PDE4D: variants seen among roughly 807,000 people sequenced by gnomAD.
PDE4D encodes phosphodiesterase 4D.
In PDE4D, 24 loss-of-function variants were observed where a neutral mutation model predicts 87.4. That is an observed-to-expected ratio of 0.27 (90% CI 0.20 to 0.39). PDE4D has a LOEUF of 0.39. Ranked by LOEUF, PDE4D falls within the 10% of genes least tolerant of loss-of-function variation. The pLI is 1.00. For synonymous variants in PDE4D, 384 were observed against 383.2 expected (o/e 1.00, Z -0.02); for missense variants, 714 against 1,041.0 (o/e 0.69, Z 4.32).
intron 5 of PDE4D, among the ~76,000 whole-genome samples, chr5:59,156,309 G>GAAAA (rs138297866): frequency 0.21 from 11,036 of 52,136 alleles, 756 homozygotes; most frequent in Non-Finnish European, 0.24. Context: ...AGACTTGCCA[G>GAAAA]AAAAAAAAAA....
At chr5:59,141,461 G>T (rs1419009083) in intron 5 of PDE4D, among the ~76,000 whole-genome samples, 1 of 152,158 alleles carries the variant, frequency 6.6e-6, no homozygotes, top group African/African-American at 2.4e-5. Context: ...TTGTTCCTTG[G>T]TGTTTTGGAG....
chr5:59,832,047 CAA>C (rs1741329276), intron 1 of PDE4D, among the ~76,000 whole-genome samples: 1 of 151,980 alleles, frequency 6.6e-6, no homozygotes, highest in Non-Finnish European at 1.5e-5. Context: ...TGGGGTAACC[CAA>C]AGAGTGATGG....
At chr5:59,544,138 T>C (rs543717252) in intron 1 of PDE4D, among the ~76,000 whole-genome samples, 4 of 152,138 alleles carry the variant, frequency 2.6e-5, no homozygotes, top group African/African-American at 9.6e-5. Context: ...GGTGTGGAAA[T>C]AGACTGTCAT....
At chr5:59,996,620 C>G (rs1449208474) in intron 2 of PDE4D, among the ~76,000 whole-genome samples, 2 of 152,082 alleles carry the variant, frequency 1.3e-5, no homozygotes, top group Admixed American at 1.3e-4. Context: ...AATGTTTTTC[C>G]TCTTGTCTCA....
chr5:59,589,235 A>AAGGG (rs1825599499), intron 1 of PDE4D, among the ~76,000 whole-genome samples: 3 of 152,234 alleles, frequency 2.0e-5, no homozygotes, highest in Non-Finnish European at 4.4e-5. Context: ...CACCTCTGTA[A>AAGGG]TCATAATAAT....
At chr5:60,304,489 CA>C (rs1240484131) in intron 1 of PDE4D, among the ~76,000 whole-genome samples, 2 of 150,084 alleles carry the variant, frequency 1.3e-5, no homozygotes, top group Non-Finnish European at 3.0e-5. Flanking sequence ...ACTAAAAATA[CA>C]AAAAATTAGC....
intron 1 of PDE4D, among the ~76,000 whole-genome samples, chr5:59,743,236 A>T (rs1759117220): frequency 6.6e-6 from 1 of 152,192 alleles, no homozygotes; most frequent in African/African-American, 2.4e-5. Flanking sequence ...GGTAAAGTAA[A>T]AAAAGATTTA....
At chr5:59,094,162 G>A (rs934479430) in intron 5 of PDE4D, among the ~76,000 whole-genome samples, 2 of 125,478 alleles carry the variant, frequency 1.6e-5, no homozygotes, top group Non-Finnish European at 3.1e-5. Context: ...AGGTTGCAGT[G>A]AGCCAAGATT....
At chr5:60,421,912 G>T (rs1396370509) in intron 1 of PDE4D, among the ~76,000 whole-genome samples, 1 of 152,206 alleles carries the variant, frequency 6.6e-6, no homozygotes, top group Non-Finnish European at 1.5e-5. Flanking sequence ...AGCTTCAATA[G>T]CCTGTTAGAT....
intron 1 of PDE4D, among the ~76,000 whole-genome samples, chr5:60,499,703 A>G (rs1048183982): frequency 6.6e-6 from 1 of 152,232 alleles, no homozygotes; most frequent in Non-Finnish European, 1.5e-5. Context: ...CTCTTCAAGT[A>G]AATTTCAGCA....
intron 2 of PDE4D, among the ~76,000 whole-genome samples, chr5:60,071,663 G>A (rs1772734340): frequency 1.3e-5 from 2 of 151,994 alleles, no homozygotes; most frequent in South Asian, 2.1e-4. Context: ...TGTCATGGGA[G>A]TTTGTTGTAC....
intron 1 of PDE4D, among the ~76,000 whole-genome samples, chr5:59,423,373 C>A (rs561384087): frequency 1.9e-4 from 29 of 152,274 alleles, no homozygotes; most frequent in Admixed American, 4.6e-4. Context: ...ATGAAATTGT[C>A]CCTGTCAGGA....
chr5:60,303,958 T>C (rs143990709), intron 1 of PDE4D: 132 of 152,338 alleles, frequency 8.7e-4, no homozygotes, highest in African/African-American at 3.0e-3. Context: ...GAATTTGCTT[T>C]ATGAATCTGA....
chr5:60,500,297 C>A (rs1750010005), intron 1 of PDE4D, among the ~76,000 whole-genome samples: 1 of 151,832 alleles, frequency 6.6e-6, no homozygotes, highest in Non-Finnish European at 1.5e-5. Flanking sequence ...GACAGAGACC[C>A]AGTCTCAAAA....
At chr5:59,329,492 A>T (rs1042739431) in intron 1 of PDE4D, among the ~76,000 whole-genome samples, 7 of 152,164 alleles carry the variant, frequency 4.6e-5, no homozygotes, top group Non-Finnish European at 8.8e-5. Context: ...TTGTCTACTC[A>T]CTGAAGTCCT....
chr5:59,824,634 T>TGAC (rs534406887), intron 1 of PDE4D, among the ~76,000 whole-genome samples: 3 of 152,250 alleles, frequency 2.0e-5, no homozygotes, highest in South Asian at 4.1e-4. Context: ...TTAACTTGGA[T>TGAC]GACGACAAGT....
intron 2 of PDE4D, among the ~76,000 whole-genome samples, chr5:60,119,830 T>C (rs946894277): frequency 3.9e-5 from 6 of 152,178 alleles, no homozygotes; most frequent in Non-Finnish European, 8.8e-5. Flanking sequence ...CATTCAGATG[T>C]AAATAAAAAT....
chr5:60,133,622 T>C (rs1375053731), intron 2 of PDE4D, among the ~76,000 whole-genome samples: 1 of 152,212 alleles, frequency 6.6e-6, no homozygotes, highest in East Asian at 1.9e-4. Context: ...CAGTAGATGC[T>C]AGCTAATATT....
intron 1 of PDE4D, among the ~76,000 whole-genome samples, chr5:59,724,009 G>C (rs1467450052): frequency 6.6e-6 from 1 of 152,032 alleles, no homozygotes; most frequent in Non-Finnish European, 1.5e-5. Context: ...AAGCTGACCT[G>C]GCAATGTTTC....
Sources: gnomAD v4.1 joint callset for allele counts (sites outside exome capture counted in the v4.1 genomes callset) on GRCh38, gnomAD v4.1.1 for gene constraint, MANE v1.5 for transcripts, NCBI Gene and HGNC (gene_info 2026-07-23, HGNC 2026-07-21) for gene names.